The following NRG1 variants were observed in gnomAD, a reference collection of about 807,000 sequenced individuals.
NRG1 encodes the protein neuregulin 1.
NRG1 carries 18 observed loss-of-function variants against 63.8 expected under a neutral mutation model. The ratio of observed to expected loss-of-function variants is 0.28; its 90% CI spans 0.19 to 0.42. NRG1 has a LOEUF of 0.42. NRG1 is among the 10% of genes least tolerant of loss of function. The pLI is 1.00. For synonymous variants in NRG1, 302 were observed against 301.3 expected (o/e 1.00, Z -0.02); for missense variants, 762 against 814.7 (o/e 0.94, Z 0.79).
chr8:31,720,517 A>T (rs1295680439), intron 1 of NRG1, among the ~76,000 whole-genome samples: 1 of 152,132 alleles, frequency 6.6e-6, no homozygotes, highest in Non-Finnish European at 1.5e-5. Context: ...AGACCCCAGT[A>T]TGTGTTGTTC....
chr8:32,503,277 ACT>A lies in NRG1; in HGVS notation c.38-92548_38-92547del, dbSNP rs1325114766. Among the ~76,000 whole-genome samples, 4 of 125,734 alleles carry A rather than the reference ACT, an allele frequency of 3.2e-5. No individual in the cohort carries two copies. The East Asian group carries it at 8.2e-4, about 26-fold the overall frequency. 82.5% of individuals were successfully genotyped at this position (125,734 alleles called of 152,430 possible). On this transcript the variant is annotated intron_variant, in intron 1 of 10. Coordinates refer to the NRG1 transcript ENST00000519301. ...ACTCCAGCCTGGGCTACAGAGCGAGACTCTGTCTCAGAAAAAAAAAAAAAAAA... is the reference window on the plus strand; with the variant it reads ...ACTCCAGCCTGGGCTACAGAGCGAGACTGTCTCAGAAAAAAAAAAAAAAAA...
intron 1 of NRG1, among the ~76,000 whole-genome samples, chr8:32,092,195 G>A (rs371639578): frequency 1.3e-5 from 2 of 151,658 alleles, no homozygotes; most frequent in African/African-American, 2.4e-5. Context: ...GCAGTGGCTC[G>A]TGGCTGTAAT....
At chr8:31,834,305 G>A (rs13260071) in intron 1 of NRG1, among the ~76,000 whole-genome samples, 2,633 of 144,328 alleles carry the variant, frequency 0.018, 59 homozygotes, top group African/African-American at 0.05. Flanking sequence ...GCGCGCACGC[G>A]CGCACACACA....
chr8:32,089,247 T>C (rs2131246521), intron 1 of NRG1, among the ~76,000 whole-genome samples: 1 of 152,318 alleles, frequency 6.6e-6, no homozygotes. Context: ...TATTTTCATC[T>C]TGGGTGTGTG....
chr8:31,720,748 CAG>C lies in NRG1; in HGVS notation c.37+81320_37+81321del, dbSNP rs1585912288. 2.6e-5 allele frequency among the ~76,000 whole-genome samples: 4 copies of C among 152,126 alleles called. 1 individual carries two copies. In the East Asian group the frequency reaches 7.7e-4, roughly 29 times the overall value. ...GAGATCAAGGAAGAAAGGAACAATG[CAG>C]AGTTTATGGAAGTTAGATGTTAAGA... On this transcript the variant is annotated intron_variant, in intron 1 of 10. Transcript: ENST00000519301.
rs549316084 is a variant in NRG1 at position 32,136,391 on chromosome 8, C to A, written c.38-459437C>A. Among the ~76,000 whole-genome samples, 21 of 152,282 alleles carry A rather than the reference C, an allele frequency of 1.4e-4. 1 individual carries two copies. The South Asian group carries it at 4.4e-3, about 32-fold the overall frequency. On this transcript the variant is annotated intron_variant, in intron 1 of 10. Transcript: ENST00000519301. ...TCAACCACTGCTATTGTCATAAAGT[C>A]CGTGGTCTCTGACCCAAAGTCTCAT...
rs146191135 is a variant in NRG1 at position 32,366,653 on chromosome 8, TTG to T, written c.38-229151_38-229150del. 1.9e-3 allele frequency among the ~76,000 whole-genome samples: 195 copies of T among 101,866 alleles called. 4 individuals are homozygous for T. Among genetic ancestry groups the T allele is most frequent in the African/African-American group, 5.8e-3 (155 of 26,726 alleles). 66.8% of individuals were successfully genotyped at this position (101,866 alleles called of 152,430 possible). ...TATATACACATATATGTAATATATA[TTG>T]TGTGTGTGTGTGTGTGTGTGTGTAT... On this transcript the variant is annotated intron_variant, in intron 1 of 10. Transcript: ENST00000519301.
intron 1 of NRG1, among the ~76,000 whole-genome samples, chr8:31,938,194 A>G (rs961245989): frequency 2.0e-5 from 3 of 152,160 alleles, no homozygotes; most frequent in Non-Finnish European, 4.4e-5. Flanking sequence ...AGGTACTAGT[A>G]TGCACAGCTG....
intron 5 of NRG1, among the ~76,000 whole-genome samples, chr8:32,664,372 A>G (rs1803611499): frequency 6.6e-6 from 1 of 152,008 alleles, no homozygotes; most frequent in African/African-American, 2.4e-5. Flanking sequence ...TTGCATGGAT[A>G]GTTGAGGTGG....
At chr8:31,759,106 T>G (rs1449644957) in intron 1 of NRG1, among the ~76,000 whole-genome samples, 1 of 152,176 alleles carries the variant, frequency 6.6e-6, no homozygotes, top group Non-Finnish European at 1.5e-5. Flanking sequence ...ATTTGTCTTC[T>G]TATAGATTTC....
At chr8:32,743,491 C>T (rs1177026775) in intron 7 of NRG1, among the ~76,000 whole-genome samples, 1 of 148,418 alleles carries the variant, frequency 6.7e-6, no homozygotes, top group Non-Finnish European at 1.5e-5. Flanking sequence ...GATATAACAA[C>T]TCAACTATAG....
At position 31,708,622 on chromosome 8, in the gene NRG1, T is replaced by C. The variant is rs540407053; in HGVS notation, c.37+69191T>C. ...CACTACGCCCGGCTAATTTTTTGTA[T>C]TTTTAGTAGAGACGGGGTTTCACCG... On this transcript the variant is annotated intron_variant, in intron 1 of 10. Transcript: ENST00000519301. 2.6e-5 allele frequency among the ~76,000 whole-genome samples: 4 copies of C among 151,690 alleles called. No individual in the cohort carries two copies. The East Asian group carries it at 7.8e-4, about 30-fold the overall frequency.
chr8:32,645,987 C>T (rs1853442643), intron 5 of NRG1, among the ~76,000 whole-genome samples: 1 of 152,194 alleles, frequency 6.6e-6, no homozygotes. Flanking sequence ...TTAGTACTTT[C>T]AGTGCGGTGA....
At chr8:32,566,633 G>A (rs999276570) in intron 1 of NRG1, among the ~76,000 whole-genome samples, 4 of 152,098 alleles carry the variant, frequency 2.6e-5, no homozygotes, top group Non-Finnish European at 4.4e-5. Flanking sequence ...GATCTTTTTT[G>A]TCAAATTCTT....
intron 6 of NRG1, among the ~76,000 whole-genome samples, chr8:32,741,570 C>T (rs1050611262): frequency 6.6e-6 from 1 of 152,044 alleles, no homozygotes; most frequent in African/African-American, 2.4e-5. Context: ...GAAATAAATA[C>T]ACAATTGAAA....
At chr8:31,872,898 C>T (rs1409980714) in intron 1 of NRG1, among the ~76,000 whole-genome samples, 1 of 152,164 alleles carries the variant, frequency 6.6e-6, no homozygotes, top group Non-Finnish European at 1.5e-5. Context: ...TAAATCAAAA[C>T]TAGGTCTTTG....
intron 1 of NRG1, among the ~76,000 whole-genome samples, chr8:32,317,566 T>C (rs1449647543): frequency 6.6e-6 from 1 of 152,224 alleles, no homozygotes; most frequent in Non-Finnish European, 1.5e-5. Context: ...AGGCCTCAGA[T>C]GTGTTTATTT....
chr8:32,560,644 T>C (rs1175682423), intron 1 of NRG1, among the ~76,000 whole-genome samples: 2 of 152,348 alleles, frequency 1.3e-5, no homozygotes, highest in East Asian at 3.9e-4. Context: ...TAAATTGTTA[T>C]TTTTGTGGTT....
At chr8:32,155,321 TC>T (rs1244698093) in intron 1 of NRG1, among the ~76,000 whole-genome samples, 1 of 152,198 alleles carries the variant, frequency 6.6e-6, no homozygotes, top group African/African-American at 2.4e-5. Context: ...TACTTTCAAC[TC>T]TTTGAATCTT....
Sources: gnomAD v4.1 joint callset for allele counts (sites outside exome capture counted in the v4.1 genomes callset) on GRCh38, gnomAD v4.1.1 for gene constraint, MANE v1.5 for transcripts, NCBI Gene and HGNC (gene_info 2026-07-23, HGNC 2026-07-21) for gene names.